The following RAPGEF4 variants were observed in gnomAD, a reference collection of about 807,000 sequenced individuals.
RAPGEF4 encodes RAP guanine-nucleotide-exchange factor (GEF) 4.
A neutral mutation model predicts 147.9 loss-of-function variants in RAPGEF4; 66 were observed. The observed-to-expected ratio is 0.45, with a 90% CI of 0.37 to 0.55. The LOEUF is 0.55. Among genes scored for constraint, RAPGEF4 ranks in the 20% least tolerant of loss-of-function variants. The pLI, the probability that RAPGEF4 is intolerant of heterozygous loss-of-function variation, is 0.00. For missense variants in RAPGEF4, 1,071 were observed against 1,257.3 expected, an observed-to-expected ratio of 0.85 and a Z score of 2.24; for synonymous variants, 419 against 442.7, an observed-to-expected ratio of 0.95 and a Z score of 0.67.
At chr2:173,045,951 G>A (rs943374644) in intron 29 of RAPGEF4, among the ~76,000 whole-genome samples, 2 of 152,132 alleles carry the variant, frequency 1.3e-5, no homozygotes, top group African/African-American at 4.8e-5. Flanking sequence ...TGTGTTAATG[G>A]GTGCAAAAGG....
chr2:172,901,324 G>A (rs1434821761), intron 4 of RAPGEF4, among the ~76,000 whole-genome samples: 1 of 152,046 alleles, frequency 6.6e-6, no homozygotes, highest in African/African-American at 2.4e-5. Flanking sequence ...ATTAAATTTA[G>A]GTTTTGTTTT....
At chr2:172,919,550 A>G (rs1026882839) in intron 5 of RAPGEF4, among the ~76,000 whole-genome samples, 1 of 151,808 alleles carries the variant, frequency 6.6e-6, no homozygotes, top group Non-Finnish European at 1.5e-5. Context: ...CTTATGGAAG[A>G]GTTTAGCCAT....
intron 4 of RAPGEF4, among the ~76,000 whole-genome samples, chr2:172,842,418 C>T (rs2149707617): frequency 6.6e-6 from 1 of 152,304 alleles, no homozygotes; most frequent in African/African-American, 2.4e-5. Context: ...AATGTAGTGC[C>T]TTGAAACAAC....
At position 172,955,448 on chromosome 2, in the gene RAPGEF4, G is replaced by A. The variant is rs116111118; in HGVS notation, c.538-5312G>A. Among the ~76,000 whole-genome samples, 1,159 of 152,222 alleles carry A rather than the reference G, an allele frequency of 7.6e-3. 13 individuals are homozygous for A. Among genetic ancestry groups the A allele is most frequent in the African/African-American group, 0.025 (1,044 of 41,528 alleles). On this transcript the variant is annotated intron_variant, in intron 6 of 30. Coordinates refer to ENST00000397081, the MANE Select transcript of RAPGEF4 (RefSeq NM_007023.4). ...CAGTCAGTCCTGAGGGAAGTCTTTC[G>A]TGGAGAAAGCCAAGAAAAGCAGAAA...
rs1455402509 is a variant in RAPGEF4, at chr2:172,983,508, G to A, written c.1017G>A (p.Arg339=). 2 of 1,611,630 alleles carry A rather than the reference G, an allele frequency of 1.2e-6. No homozygotes were observed. The highest frequency in any genetic ancestry group is 1.7e-6 in the Non-Finnish European group (2 of 1,179,662). The change falls in exon 11 of 31, where the codon AGG becomes AGA. Residue 339 remains arginine (R), a synonymous_variant. Coordinates refer to ENST00000397081, the MANE Select transcript of RAPGEF4 (RefSeq NM_007023.4). The part of the protein sequence containing the change: ...RMILRKPPGQ[R]TVDDLEIIYE... Reference sequence around the variant, plus strand: ...TTTATCTTTGTAGACCTGGCCAGAGGACTGTGGATGACCTAGAGATTATCT... The same window carrying A: ...TTTATCTTTGTAGACCTGGCCAGAGAACTGTGGATGACCTAGAGATTATCT...
At chr2:172,758,914 T>A (rs1468423969) in intron 1 of RAPGEF4, among the ~76,000 whole-genome samples, 1 of 152,000 alleles carries the variant, frequency 6.6e-6, no homozygotes, top group East Asian at 1.9e-4. Context: ...AGCCATGAGA[T>A]GGGAGAATAC....
intron 23 of RAPGEF4, among the ~76,000 whole-genome samples, chr2:173,021,548 A>T (rs1018394635): frequency 6.6e-6 from 1 of 152,172 alleles, no homozygotes; most frequent in Non-Finnish European, 1.5e-5. Context: ...AGATGGCGCC[A>T]CTGCACTCCA....
At chr2:172,758,141 A>G (rs754141966) in intron 1 of RAPGEF4, among the ~76,000 whole-genome samples, 5 of 152,194 alleles carry the variant, frequency 3.3e-5, no homozygotes, top group Non-Finnish European at 7.3e-5. Context: ...GCAAAGAGGC[A>G]GAGGAGTTTA....
chr2:172,888,400 A>G (rs1398244195), intron 4 of RAPGEF4, among the ~76,000 whole-genome samples: 1 of 152,186 alleles, frequency 6.6e-6, no homozygotes, highest in Non-Finnish European at 1.5e-5. Context: ...GAGGCTTTTC[A>G]GTGGGGATGA....
At chr2:173,016,193 T>A (rs1695492193) in intron 18 of RAPGEF4, among the ~76,000 whole-genome samples, 156 bp from the exon 19 acceptor site, 1 of 152,236 alleles carries the variant, frequency 6.6e-6, no homozygotes, top group East Asian at 1.9e-4. Context: ...AGACATAGTG[T>A]AACATTTTCT....
intron 1 of RAPGEF4, among the ~76,000 whole-genome samples, chr2:172,736,422 C>A (rs1246662605): frequency 6.6e-6 from 1 of 152,046 alleles, no homozygotes; most frequent in African/African-American, 2.4e-5. Flanking sequence ...TCAGACCTTG[C>A]GGGGTATGAA....
At chr2:173,033,246 GAC>G (rs1697364534) in intron 26 of RAPGEF4, among the ~76,000 whole-genome samples, 1 of 152,176 alleles carries the variant, frequency 6.6e-6, no homozygotes, top group Non-Finnish European at 1.5e-5. Context: ...TGAGAGACGA[GAC>G]AGCAGGAAAG....
chr2:172,795,886 G>C (rs56215607), intron 2 of RAPGEF4, among the ~76,000 whole-genome samples: 18,737 of 152,204 alleles, frequency 0.12, 1,216 homozygotes, highest in South Asian at 0.2. Flanking sequence ...TTTGTCCTCA[G>C]ACTTGTCCCA....
chr2:172,850,605 G>A (rs1168529871), intron 4 of RAPGEF4, among the ~76,000 whole-genome samples: 4 of 151,098 alleles, frequency 2.6e-5, no homozygotes, highest in Non-Finnish European at 2.9e-5. Flanking sequence ...GCCACAGAGC[G>A]AGACTCTGTC....
rs562068270 is a variant in RAPGEF4, at chr2:173,012,236, G to A, written c.1659-2228G>A. 3.3e-5 allele frequency among the ~76,000 whole-genome samples: 5 copies of A among 152,286 alleles called. No individual in the cohort carries two copies. In the South Asian group the frequency reaches 6.2e-4, roughly 19 times the overall value. On this transcript the variant is annotated intron_variant, in intron 17 of 30. Transcript: ENST00000397081. Reference sequence around the variant, plus strand: ...GCCTCAGGTACCCGGTGAGGAACACGCATGGTCCATAGTGGCATCAGGATA... The same window carrying A: ...GCCTCAGGTACCCGGTGAGGAACACACATGGTCCATAGTGGCATCAGGATA...
intron 26 of RAPGEF4, among the ~76,000 whole-genome samples, chr2:173,033,143 G>A (rs536981985): frequency 3.3e-4 from 51 of 152,320 alleles, no homozygotes; most frequent in African/African-American, 1.1e-3. Context: ...ATAAAAACAT[G>A]AGAAATCAGT....
intron 10 of RAPGEF4, among the ~76,000 whole-genome samples, chr2:172,970,326 G>T (rs1468976174): frequency 6.6e-6 from 1 of 152,070 alleles, no homozygotes; most frequent in African/African-American, 2.4e-5. Context: ...CCTGGAAACT[G>T]AGGGCATGTT....
intron 1 of RAPGEF4, among the ~76,000 whole-genome samples, chr2:172,743,453 G>C (rs543942591): frequency 9.6e-4 from 146 of 152,256 alleles, no homozygotes; most frequent in Non-Finnish European, 1.6e-3. Flanking sequence ...GCAACTATCT[G>C]TTTCCTTTGC....
intron 1 of RAPGEF4, among the ~76,000 whole-genome samples, chr2:172,765,754 C>G (rs73979547): frequency 0.078 from 11,941 of 152,324 alleles, 496 homozygotes; most frequent in African/African-American, 0.09. Flanking sequence ...AGATACTCAT[C>G]TCTACCGCTG....
Sources: gnomAD v4.1 joint callset for allele counts (sites outside exome capture counted in the v4.1 genomes callset) on GRCh38, gnomAD v4.1.1 for gene constraint, MANE v1.5 for transcripts, NCBI Gene and HGNC (gene_info 2026-07-23, HGNC 2026-07-21) for gene names.